FBXW8: variants seen among roughly 807,000 people sequenced by gnomAD.
FBXW8 encodes the protein F-box/WD repeat-containing protein 8.
FBXW8 carries 57 observed loss-of-function variants against 65.3 expected under a neutral mutation model. The ratio of observed to expected loss-of-function variants is 0.87; its 90% CI spans 0.71 to 1.09. The LOEUF is 1.09. Among genes scored for constraint, FBXW8 ranks in the 50% least tolerant of loss-of-function variants. The pLI, the probability that FBXW8 is intolerant of heterozygous loss-of-function variation, is 0.00. For synonymous variants in FBXW8, 308 were observed against 330.2 expected, an observed-to-expected ratio of 0.93 and a Z score of 0.73; for missense variants, 777 against 814.8, an observed-to-expected ratio of 0.95 and a Z score of 0.57.
At chr12:116,922,679 CT>C (rs1880994459) in intron 1 of FBXW8, among the ~76,000 whole-genome samples, 1 of 152,120 alleles carries the variant, frequency 6.6e-6, no homozygotes, top group Non-Finnish European at 1.5e-5. Flanking sequence ...ACAAATCAGC[CT>C]CCCTGGGGAT....
At chr12:116,951,515 CTTA>C (rs1461317794) in intron 4 of FBXW8, 1 of 152,166 alleles carries the variant, frequency 6.6e-6, no homozygotes, top group African/African-American at 2.4e-5. Context: ...TCGTGTTTCT[CTTA>C]TTCTTCTTTT....
At chr12:116,972,625 C>G (rs1884703042) in intron 5 of FBXW8, among the ~76,000 whole-genome samples, 1 of 152,052 alleles carries the variant, frequency 6.6e-6, no homozygotes, top group Admixed American at 6.5e-5. Flanking sequence ...TACAGGGAGA[C>G]TGAGGAGGTA....
At chr12:117,000,529 G>A (rs1953490412) in intron 7 of FBXW8, among the ~76,000 whole-genome samples, 1 of 152,246 alleles carries the variant, frequency 6.6e-6, no homozygotes, top group Admixed American at 6.5e-5. Context: ...GACTCAGTGG[G>A]TCGAGGGTGG....
intron 1 of FBXW8, among the ~76,000 whole-genome samples, chr12:116,922,220 CT>C (rs1322600090): frequency 6.6e-6 from 1 of 152,050 alleles, no homozygotes; most frequent in Non-Finnish European, 1.5e-5. Flanking sequence ...TCTCGACTGC[CT>C]TTCAGACCTT....
At chr12:116,980,730 A>C (rs955550827) in intron 5 of FBXW8, among the ~76,000 whole-genome samples, 3 of 152,228 alleles carry the variant, frequency 2.0e-5, no homozygotes, top group Admixed American at 2.0e-4. Context: ...TTCAAGTTAA[A>C]ACATCTAGAA....
At chr12:116,987,451 C>T (rs10774895) in intron 6 of FBXW8, 2 of 152,136 alleles carry the variant, frequency 1.3e-5, no homozygotes, top group African/African-American at 4.8e-5. Context: ...GTCTCAGACT[C>T]GTGCACATTA....
intron 4 of FBXW8, among the ~76,000 whole-genome samples, chr12:116,960,315 T>C (rs1389489559): frequency 6.6e-6 from 1 of 152,208 alleles, no homozygotes; most frequent in Non-Finnish European, 1.5e-5. Flanking sequence ...GGCTTTCACT[T>C]AGGTTAGATT....
intron 7 of FBXW8, among the ~76,000 whole-genome samples, chr12:117,005,892 G>A (rs562518273): frequency 9.8e-5 from 15 of 152,346 alleles, no homozygotes; most frequent in African/African-American, 2.9e-4. Context: ...TTCAGGAAGT[G>A]TAGTCACATC....
At chr12:116,942,437 T>C (rs189898471) in intron 2 of FBXW8, among the ~76,000 whole-genome samples, 21 of 149,798 alleles carry the variant, frequency 1.4e-4, no homozygotes, top group Middle Eastern at 3.4e-3. Context: ...TGCAATGGCG[T>C]GATCTTGGCT....
At chr12:116,947,946 G>A (rs1883040943) in intron 3 of FBXW8, among the ~76,000 whole-genome samples, 1 of 152,166 alleles carries the variant, frequency 6.6e-6, no homozygotes, top group Admixed American at 6.5e-5. Flanking sequence ...GAGGTTGGCT[G>A]TAGGAGAGCA....
At chr12:116,991,475 A>G (rs1592933624) in intron 7 of FBXW8, among the ~76,000 whole-genome samples, 1 of 152,334 alleles carries the variant, frequency 6.6e-6, no homozygotes, top group Admixed American at 6.5e-5. Context: ...ATAATTCCCA[A>G]ATAGTCTCAT....
Position 116,928,011 on chromosome 12 carries a change from T to G in FBXW8, c.319-12T>G, listed in dbSNP as rs552850246. The G allele has an allele frequency of 6.6e-7, 1 of 1,510,008 alleles. No homozygotes were observed. Among genetic ancestry groups the G allele is most frequent in the South Asian group, 1.2e-5 (1 of 82,914 alleles). 93.5% of individuals were successfully genotyped at this position (1,510,008 alleles called of 1,614,324 possible). On this transcript the variant is annotated splice_polypyrimidine_tract_variant and intron_variant, in intron 1 of 10. Coordinates refer to ENST00000652555, the MANE Select transcript of FBXW8 (RefSeq NM_153348.3). The stretch of plus-strand genomic sequence containing the variant: ...AAAATTATAAACTTCTTTCTTTTTT[T>G]TTTCCCCTCAGAATGAAATGAATGA...
rs1879918685 is a variant in FBXW8 at position 116,911,357 on chromosome 12, T to C, written c.318+2T>C. 7.8e-7 allele frequency: 1 copy of C among 1,274,432 alleles called. No homozygotes were observed. Among genetic ancestry groups the C allele is most frequent in the Admixed American group, 4.2e-5 (1 of 24,020 alleles). The allele number at this position is 1,274,432 out of a possible 1,614,324, so 78.9% of individuals were successfully genotyped here. A position where few individuals can be genotyped will look rare whatever the true frequency, so the allele number is the denominator to read the frequency against. ...GTGGACCAGCTCATCCGCGACCTGG[T>C]GAGTGGCCGTCGCCTCCCCCCCGCC... On this transcript the variant is annotated splice_donor_variant, in intron 1 of 10. Transcript: ENST00000652555. LOFTEE classifies it high-confidence loss of function.
intron 10 of FBXW8, among the ~76,000 whole-genome samples, chr12:117,027,718 C>T (rs747168879): frequency 4.6e-5 from 7 of 152,228 alleles, no homozygotes; most frequent in East Asian, 1.9e-4. Context: ...TCCACGCTGT[C>T]GGCTGTACAG....
At chr12:116,980,288 C>T (rs1326853479) in intron 5 of FBXW8, 1 of 152,244 alleles carries the variant, frequency 6.6e-6, no homozygotes, top group Non-Finnish European at 1.5e-5. Flanking sequence ...GGTTCTGATC[C>T]CTTATCACCT....
chr12:116,921,278 G>A lies in FBXW8; in HGVS notation c.319-6745G>A, dbSNP rs111671111. ...GTATTATAGTTCACTTATATCACCC[G>A]CACATGTGATCAACAAACATTTATT... On this transcript the variant is annotated intron_variant, in intron 1 of 10. Coordinates refer to ENST00000652555, the MANE Select transcript of FBXW8 (RefSeq NM_153348.3). Among the ~76,000 whole-genome samples the A allele has an allele frequency of 3.0e-3, 452 of 152,296 alleles. 3 individuals are homozygous for A. Among genetic ancestry groups the A allele is most frequent in the African/African-American group, 8.8e-3 (366 of 41,550 alleles).
chr12:116,966,099 CA>C (rs1283714581), intron 5 of FBXW8, among the ~76,000 whole-genome samples: 1 of 152,062 alleles, frequency 6.6e-6, no homozygotes, highest in African/African-American at 2.4e-5. Flanking sequence ...ATTACTTTAG[CA>C]ACGTGATGTT....
In FBXW8 at chr12:116,971,820, G is replaced by A. The variant is rs750860645; in HGVS notation, c.835+6966G>A. The stretch of plus-strand genomic sequence containing the variant: ...TTACACTTTGTGTTTGAGGCTGTTG[G>A]TACCAAGTGACCACCTGCATGCCCG... On this transcript the variant is annotated intron_variant, in intron 5 of 10. Transcript: ENST00000652555. Among the ~76,000 whole-genome samples, 20 of 152,246 alleles carry A rather than the reference G, an allele frequency of 1.3e-4. No individual in the cohort carries two copies. The Middle Eastern group carries it at 0.027, about 207-fold the overall frequency.
chr12:116,996,875 G>C (rs1402233417), intron 7 of FBXW8, among the ~76,000 whole-genome samples: 1 of 152,130 alleles, frequency 6.6e-6, no homozygotes, highest in East Asian at 1.9e-4. Context: ...TATCACATCT[G>C]CCTCAGGGAT....
Sources: gnomAD v4.1 joint callset for allele counts (sites outside exome capture counted in the v4.1 genomes callset) on GRCh38, gnomAD v4.1.1 for gene constraint, MANE v1.5 for transcripts, NCBI Gene and HGNC (gene_info 2026-07-23, HGNC 2026-07-21) for gene names.